The following XAF1 variants were observed in gnomAD, a reference collection of about 807,000 sequenced individuals.
XAF1 encodes XIAP-associated factor 1.
In XAF1, 32 loss-of-function variants were observed where a neutral mutation model predicts 32.3. That is an observed-to-expected ratio of 0.99 (90% CI 0.75 to 1.33). The LOEUF (loss-of-function observed/expected upper bound fraction) is 1.33, where lower values mean the gene tolerates loss of function less well. Among genes scored for constraint, XAF1 ranks in the 40% most tolerant of loss-of-function variants. The probability of loss-of-function intolerance (pLI) is 0.00; values close to 1 mark genes in which losing one functional copy is unlikely to be tolerated. For synonymous variants in XAF1, 120 were observed against 125.9 expected (o/e 0.95, Z 0.31); for missense variants, 379 against 366.0 (o/e 1.04, Z -0.29).
chr17:6,756,891 C>T (rs1190862882), intron 1 of XAF1, among the ~76,000 whole-genome samples: 2 of 152,184 alleles, frequency 1.3e-5, no homozygotes, highest in African/African-American at 2.4e-5. Flanking sequence ...TCTTCTCGTC[C>T]CCTGGGCCTT....
chr17:6,759,367 T>C (rs1974988516), intron 2 of XAF1: 3 of 1,354,116 alleles, frequency 2.2e-6, no homozygotes, highest in Non-Finnish European at 1.9e-6. Context: ...GGCAGTCAGA[T>C]GGAGCCCTGT....
chr17:6,772,433 C>CT (rs1256555389), intron 6 of XAF1, among the ~76,000 whole-genome samples: 2,749 of 116,120 alleles, frequency 0.024, 88 homozygotes, highest in African/African-American at 0.076. Context: ...CATTTTTTCA[C>CT]TTTTTTTTTT....
rs1976240243 is a variant in XAF1, at chr17:6,773,932, T to C, written c.*763T>C. 1 of 152,202 alleles carries C rather than the reference T, an allele frequency of 6.6e-6. No individual in the cohort carries two copies. The highest frequency in any genetic ancestry group is 6.5e-5 in the Admixed American group (1 of 15,282). The allele number at this position is 152,202 out of a possible 1,614,324, so 9.4% of individuals were successfully genotyped here. A position where few individuals can be genotyped will look rare whatever the true frequency, so the allele number is the denominator to read the frequency against. On this transcript the variant is annotated 3_prime_UTR_variant, in exon 7 of 7. Transcript: ENST00000361842. ...CAAATGGAAAAACATTCCATACTTATGGATAGGAAGAATCAATATTGTTAA... is the reference window on the plus strand; with the variant it reads ...CAAATGGAAAAACATTCCATACTTACGGATAGGAAGAATCAATATTGTTAA...
At position 6,771,004 on chromosome 17, in the gene XAF1, T is replaced by G; in HGVS notation, c.849+20T>G. On this transcript the variant is annotated intron_variant, in intron 6 of 6. Coordinates refer to ENST00000361842, the MANE Select transcript of XAF1 (RefSeq NM_017523.5). ...CATCAGGTACTCAGCCTCTGTTCTC[T>G]GCTTACCTTTCTGGGAACCATCCGC... 6.2e-7 allele frequency: 1 copy of G among 1,611,444 alleles called. No homozygotes were observed.
At chr17:6,755,932 T>A (rs1189414460), upstream of XAF1, 12 of 1,527,132 alleles carry the variant, frequency 7.9e-6, no homozygotes, top group Non-Finnish European at 9.6e-6. Context: ...GGGTCCAGCC[T>A]CAGGAATCAA....
rs1385104326 is a variant in XAF1, at chr17:6,773,889, A to T, written c.*720A>T. 4 of 152,234 alleles carry T rather than the reference A, an allele frequency of 2.6e-5. No individual in the cohort carries two copies. The highest frequency in any genetic ancestry group is 5.9e-5 in the Non-Finnish European group (4 of 68,048). The allele number at this position is 152,234 out of a possible 1,614,324, so 9.4% of individuals were successfully genotyped here. A position where few individuals can be genotyped will look rare whatever the true frequency, so the allele number is the denominator to read the frequency against. ...AACAAAAATTACAAAACACTGCTGA[A>T]AGAAATCAGAGATGACACAAATGGA... On this transcript the variant is annotated 3_prime_UTR_variant, in exon 7 of 7. Coordinates refer to ENST00000361842, the MANE Select transcript of XAF1 (RefSeq NM_017523.5).
At chr17:6,756,588 G>T (rs946824887) in intron 1 of XAF1, among the ~76,000 whole-genome samples, 1 of 152,098 alleles carries the variant, frequency 6.6e-6, no homozygotes, top group Non-Finnish European at 1.5e-5. Context: ...GGGAGGGGGG[G>T]CGCGGAATCT....
intron 5 of XAF1, among the ~76,000 whole-genome samples, chr17:6,764,429 C>G (rs1975440214): frequency 6.6e-6 from 1 of 152,166 alleles, no homozygotes; most frequent in Non-Finnish European, 1.5e-5. Context: ...TGTCCTGCAA[C>G]AGAGAGAGGT....
intron 5 of XAF1, among the ~76,000 whole-genome samples, chr17:6,764,978 G>A (rs747408813): frequency 1.2e-4 from 18 of 152,136 alleles, no homozygotes; most frequent in Non-Finnish European, 2.5e-4. Context: ...CACTTTCCTG[G>A]TTTTCAAGGA....
chr17:6,763,681 C>T (rs566764355), intron 5 of XAF1, among the ~76,000 whole-genome samples: 10 of 152,268 alleles, frequency 6.6e-5, no homozygotes, highest in Admixed American at 3.3e-4. Context: ...CAGCTCTTTG[C>T]TTTTTGAAGT....
intron 2 of XAF1, 139 bp downstream of exon 2, chr17:6,758,363 C>CA (rs1320348463): frequency 1.6e-6 from 2 of 1,262,670 alleles, no homozygotes; most frequent in Admixed American, 4.5e-5. Flanking sequence ...GGAGTCAAGG[C>CA]AAGTGTTCAG....
rs1458730205 is a variant in XAF1 at position 6,759,172 on chromosome 17, A to T, written c.169-490A>T. 1.9e-5 allele frequency: 19 copies of T among 1,018,488 alleles called. No homozygotes were observed. The East Asian group carries it at 1.7e-3, about 92-fold the overall frequency. The allele number at this position is 1,018,488 out of a possible 1,614,324, so 63.1% of individuals were successfully genotyped here. On this transcript the variant is annotated intron_variant, in intron 2 of 6. Transcript: ENST00000361842. Reference sequence around the variant, plus strand: ...CATTTAGCCCCTCCACACAAAGCCCATGGAAAGGAAATGTTAATCCTGCCT... The same window carrying T: ...CATTTAGCCCCTCCACACAAAGCCCTTGGAAAGGAAATGTTAATCCTGCCT...
At chr17:6,763,410 C>A (rs1975364928) in intron 5 of XAF1, among the ~76,000 whole-genome samples, 1 of 152,132 alleles carries the variant, frequency 6.6e-6, no homozygotes, top group Admixed American at 6.5e-5. Context: ...TCACTGCAAC[C>A]TCTGCCTCCC....
chr17:6,773,103 C>A lies in XAF1; in HGVS notation c.850-10C>A. 2 of 1,599,772 alleles carry A rather than the reference C, an allele frequency of 1.3e-6. No individual in the cohort carries two copies. Among genetic ancestry groups the A allele is most frequent in the Admixed American group, 1.8e-5 (1 of 56,186 alleles). On this transcript the variant is annotated splice_polypyrimidine_tract_variant and intron_variant, in intron 6 of 6. Transcript: ENST00000361842. ...AACCATATCAAACTTTTTTTATATC[C>A]ATTTCTTAGGAGAAATGCCGGTGGT...
At chr17:6,756,272 C>G in intron 1 of XAF1, 162 bp downstream of exon 1, 99 of 1,235,718 alleles carry the variant, frequency 8.0e-5, no homozygotes, top group Middle Eastern at 5.5e-4. Flanking sequence ...AGGGTTTAAA[C>G]TTGGTAATCT....
intron 6 of XAF1, 139 bp from the exon 7 acceptor site, chr17:6,772,974 A>G (rs934780154): frequency 1.4e-6 from 1 of 707,822 alleles, no homozygotes; most frequent in Admixed American, 3.6e-5. Flanking sequence ...TGGGCTCCTG[A>G]CCTTTTCTAT....
upstream of XAF1, chr17:6,755,824 C>A (rs1299083223): frequency 6.0e-6 from 8 of 1,325,098 alleles, no homozygotes; most frequent in African/African-American, 1.2e-4. Flanking sequence ...CCTCAGGCTG[C>A]CAGCCTCAGG....
At position 6,773,138 on chromosome 17, in the gene XAF1, C is replaced by A. The variant is rs1370050428; in HGVS notation, c.875C>A (p.Ser292Ter). Residue 292 changes from serine to a stop codon, truncating the protein, a stop_gained, in exon 7 of 7, where the codon TCA becomes TAA. Transcript: ENST00000361842. LOFTEE classifies it high-confidence loss of function. ...HQEKCRWLAS[S>*]KGKQVRNFS ...GAGAAATGCCGGTGGTTAGCTTCAT[C>A]AAAAGGAAAACAAGTGAGAAATTTC... is the stretch of plus-strand genomic sequence containing the variant. 6.2e-7 allele frequency: 1 copy of A among 1,605,378 alleles called. No individual in the cohort carries two copies. Among genetic ancestry groups the A allele is most frequent in the Non-Finnish European group, 8.5e-7 (1 of 1,177,472 alleles).
chr17:6,759,411 C>T (rs1974992022), intron 2 of XAF1: 3 of 1,381,136 alleles, frequency 2.2e-6, no homozygotes, highest in Non-Finnish European at 2.8e-6. Context: ...CTCCTGGGGC[C>T]CCTGATCTGT....
Sources: gnomAD v4.1 joint callset for allele counts (sites outside exome capture counted in the v4.1 genomes callset) on GRCh38, gnomAD v4.1.1 for gene constraint, MANE v1.5 for transcripts, NCBI Gene and HGNC (gene_info 2026-07-23, HGNC 2026-07-21) for gene names.